Variants in GRIP1 observed in about 807,000 individuals in gnomAD.
GRIP1 encodes the protein glutamate receptor-interacting protein 1.
In GRIP1, 45 loss-of-function variants were observed where a neutral mutation model predicts 129.9. The ratio of observed to expected loss-of-function variants is 0.35; its 90% CI spans 0.27 to 0.44. GRIP1 has a LOEUF of 0.44. Ranked by LOEUF, GRIP1 falls within the 20% of genes least tolerant of loss-of-function variation. GRIP1 has a pLI of 1.00. For missense variants in GRIP1, 1,196 were observed against 1,396.8 expected (o/e 0.86, Z 2.29); for synonymous variants, 530 against 520.8 (o/e 1.02, Z -0.24).
intron 1 of GRIP1, among the ~76,000 whole-genome samples, chr12:66,954,682 C>G (rs2041811435): frequency 6.6e-6 from 1 of 152,194 alleles, no homozygotes; most frequent in Admixed American, 6.5e-5. Context: ...TTGTTAAGTG[C>G]CTACTATGTG....
chr12:66,997,261 C>T (rs1025419534), intron 1 of GRIP1, among the ~76,000 whole-genome samples: 6 of 151,880 alleles, frequency 4.0e-5, no homozygotes, highest in African/African-American at 1.5e-4. Flanking sequence ...CACCAAGATT[C>T]AAGAACACAT....
chr12:66,630,494 A>G (rs2030647036), intron 1 of GRIP1, among the ~76,000 whole-genome samples: 1 of 148,656 alleles, frequency 6.7e-6, no homozygotes, highest in Non-Finnish European at 1.5e-5. Context: ...TTGTATAAAA[A>G]TTTTTTTGAG....
upstream of GRIP1, among the ~76,000 whole-genome samples, chr12:66,808,989 C>T (rs548946461): frequency 1.1e-4 from 16 of 152,254 alleles, no homozygotes; most frequent in African/African-American, 3.9e-4. Context: ...ATCAGTTGAG[C>T]TAAATGTTCA....
chr12:66,868,656 A>G (rs1433970668), intron 1 of GRIP1, among the ~76,000 whole-genome samples: 6 of 152,120 alleles, frequency 3.9e-5, no homozygotes, highest in Non-Finnish European at 8.8e-5. Flanking sequence ...CAAAATGGTA[A>G]AACTAAAGAA....
intron 2 of GRIP1, among the ~76,000 whole-genome samples, chr12:66,585,153 CA>C (rs2063574419): frequency 6.8e-6 from 1 of 147,606 alleles, no homozygotes; most frequent in Non-Finnish European, 1.5e-5. Flanking sequence ...GCACATTGTG[CA>C]GGTTAGTTAC....
At chr12:66,487,079 C>T (rs2059976133) in intron 7 of GRIP1, among the ~76,000 whole-genome samples, 1 of 152,210 alleles carries the variant, frequency 6.6e-6, no homozygotes, top group Non-Finnish European at 1.5e-5. Context: ...ATGTGAGTCA[C>T]TATGCCTGGC....
intron 15 of GRIP1, among the ~76,000 whole-genome samples, chr12:66,409,320 C>T (rs969943018): frequency 5.9e-5 from 9 of 152,200 alleles, no homozygotes; most frequent in South Asian, 2.1e-4. Flanking sequence ...CTTCAGGCAG[C>T]TCAGCACTGA....
chr12:66,774,207 C>T (rs2037909328), intron 1 of GRIP1, among the ~76,000 whole-genome samples: 1 of 152,124 alleles, frequency 6.6e-6, no homozygotes, highest in African/African-American at 2.4e-5. Flanking sequence ...CTCTAATTTG[C>T]CATCCATAGA....
intron 1 of GRIP1, among the ~76,000 whole-genome samples, chr12:66,830,777 G>A (rs2039502164): frequency 6.6e-6 from 1 of 151,530 alleles, no homozygotes; most frequent in Admixed American, 6.6e-5. Flanking sequence ...CTAAATGGCA[G>A]ATCCAGGATT....
chr12:66,349,305 G>A (rs1280899439), intron 24 of GRIP1, 59 bp from the exon 25 acceptor site: 18 of 1,371,216 alleles, frequency 1.3e-5, no homozygotes, highest in Non-Finnish European at 1.7e-5. Context: ...CCCAAAACCC[G>A]GAGTAACATT....
intron 1 of GRIP1, among the ~76,000 whole-genome samples, chr12:66,867,182 T>G (rs1029970221): frequency 1.3e-5 from 2 of 152,034 alleles, no homozygotes; most frequent in Non-Finnish European, 2.9e-5. Context: ...AGAGACGGTG[T>G]TTCACCATGT....
chr12:66,406,483 T>C lies in GRIP1; in HGVS notation c.1839-55A>G. 3 of 1,529,000 alleles carry C rather than the reference T, an allele frequency of 2.0e-6. 1 individual carries two copies. In the South Asian group the frequency reaches 3.4e-5, roughly 17 times the overall value. 94.7% of individuals were successfully genotyped at this position (1,529,000 alleles called of 1,614,324 possible). On this transcript the variant is annotated intron_variant, in intron 15 of 24. Coordinates refer to ENST00000359742, the MANE Select transcript of GRIP1 (RefSeq NM_001366722.1). ...TAATGATGAGCACTTAACTAGGCCA[T>C]TTAAAGAGGCATTAAGCATAATGCA...
At chr12:66,636,723 G>GTT (rs2031420692) in intron 1 of GRIP1, among the ~76,000 whole-genome samples, 3 of 95,414 alleles carry the variant, frequency 3.1e-5, no homozygotes, top group Admixed American at 2.7e-4. Context: ...CTCTGTGTGT[G>GTT]TGTGTGTGTG....
rs190238473 is a variant in GRIP1 at position 67,048,099 on chromosome 12, C to G, written c.58+20951G>C. Among the ~76,000 whole-genome samples the G allele has an allele frequency of 2.5e-3, 379 of 151,238 alleles. 2 individuals carry two copies. The highest frequency in any genetic ancestry group is 8.8e-3 in the African/African-American group (360 of 41,140). ...ATTCACTCTGTATTCCTTGGGCCCA[C>G]AGAACACACTGTTCTATTCCCTGCA... is the stretch of plus-strand genomic sequence containing the variant. On this transcript the variant is annotated intron_variant, in intron 1 of 1. Coordinates refer to the GRIP1 transcript ENST00000643019.
At chr12:66,834,936 A>AGG (rs57338642) in intron 1 of GRIP1, among the ~76,000 whole-genome samples, 50 of 99,284 alleles carry the variant, frequency 5.0e-4, no homozygotes, top group African/African-American at 1.5e-3. Flanking sequence ...TAAAAAAAAA[A>AGG]GGGGGGGGGG....
At chr12:66,652,060 A>T (rs1011212134) in intron 1 of GRIP1, among the ~76,000 whole-genome samples, 1 of 152,176 alleles carries the variant, frequency 6.6e-6, no homozygotes, top group Admixed American at 6.5e-5. Context: ...GGGAAAGGTG[A>T]TTCTTCTTAA....
intron 1 of GRIP1, among the ~76,000 whole-genome samples, chr12:66,882,797 C>T (rs1011567583): frequency 1.3e-5 from 2 of 152,126 alleles, no homozygotes; most frequent in African/African-American, 4.8e-5. Context: ...CTCCTTTTAG[C>T]TTCACAGTAG....
intron 2 of GRIP1, among the ~76,000 whole-genome samples, chr12:66,542,472 A>G (rs1333481408): frequency 1.3e-5 from 2 of 152,260 alleles, no homozygotes; most frequent in African/African-American, 4.8e-5. Context: ...TTTCAAAAAC[A>G]AAGTATGATG....
chr12:66,682,448 T>C (rs937703057), upstream of GRIP1, among the ~76,000 whole-genome samples: 1 of 152,138 alleles, frequency 6.6e-6, no homozygotes, highest in African/African-American at 2.4e-5. Context: ...GACAATATGG[T>C]ACTAATTTTA....
Sources: gnomAD v4.1 joint callset for allele counts (sites outside exome capture counted in the v4.1 genomes callset) on GRCh38, gnomAD v4.1.1 for gene constraint, MANE v1.5 for transcripts, NCBI Gene and HGNC (gene_info 2026-07-23, HGNC 2026-07-21) for gene names.